SLC38A6: variants seen among roughly 807,000 people sequenced by gnomAD.
The protein encoded by SLC38A6 is solute carrier family 38 member 6.
A neutral mutation model predicts 65.0 loss-of-function variants in SLC38A6; 73 were observed. That is an observed-to-expected ratio of 1.12 (90% confidence interval 0.93 to 1.37). The LOEUF (loss-of-function observed/expected upper bound fraction) is 1.37. SLC38A6 is among the 40% of genes most tolerant of loss of function. The pLI, the probability that SLC38A6 is intolerant of heterozygous loss-of-function variation, is 0.00. For synonymous variants in SLC38A6, 183 were observed against 178.8 expected, an observed-to-expected ratio of 1.02 and a Z score of -0.19; for missense variants, 561 against 531.1, an observed-to-expected ratio of 1.06 and a Z score of -0.55.
At chr14:61,033,214 T>C (rs954823706) in intron 6 of SLC38A6, among the ~76,000 whole-genome samples, 4 of 151,972 alleles carry the variant, frequency 2.6e-5, no homozygotes, top group African/African-American at 7.2e-5. Flanking sequence ...TCAGAACATA[T>C]GATACTCTTG....
chr14:61,006,585 C>T (rs1215574228), intron 3 of SLC38A6, among the ~76,000 whole-genome samples: 2 of 152,226 alleles, frequency 1.3e-5, no homozygotes, highest in African/African-American at 4.8e-5. Flanking sequence ...TGCTCACCAT[C>T]ACTGGCCATC....
At chr14:61,007,065 T>C (rs1007474124) in intron 3 of SLC38A6, among the ~76,000 whole-genome samples, 2 of 151,766 alleles carry the variant, frequency 1.3e-5, no homozygotes, top group African/African-American at 2.4e-5. Flanking sequence ...CAGCAAACTA[T>C]CCCAAGGACA....
intron 15 of SLC38A6, among the ~76,000 whole-genome samples, chr14:61,063,204 A>C (rs1339318659): frequency 6.6e-6 from 1 of 152,168 alleles, no homozygotes; most frequent in Non-Finnish European, 1.5e-5. Flanking sequence ...AGTCACTAAT[A>C]ACAAAACTGA....
At chr14:61,008,500 A>G (rs1160514808) in intron 3 of SLC38A6, among the ~76,000 whole-genome samples, 1 of 152,202 alleles carries the variant, frequency 6.6e-6, no homozygotes, top group East Asian at 1.9e-4. Flanking sequence ...CCATATCTTT[A>G]ACTCAATAAA....
chr14:61,013,857 A>C (rs908396714), intron 3 of SLC38A6, among the ~76,000 whole-genome samples: 4 of 151,972 alleles, frequency 2.6e-5, no homozygotes, highest in Non-Finnish European at 5.9e-5. Flanking sequence ...TGACAATTAT[A>C]TGTTTTGGAG....
At chr14:60,991,202 A>C (rs1008097458) in intron 3 of SLC38A6, among the ~76,000 whole-genome samples, 1 of 152,184 alleles carries the variant, frequency 6.6e-6, no homozygotes, top group African/African-American at 2.4e-5. Flanking sequence ...AGTTCAATCA[A>C]AGTAAAAGCA....
At chr14:61,014,873 C>T (rs113518996) in intron 3 of SLC38A6, among the ~76,000 whole-genome samples, 8 of 152,316 alleles carry the variant, frequency 5.3e-5, no homozygotes, top group African/African-American at 1.7e-4. Flanking sequence ...CTCAGATCTC[C>T]AGCTGCGTGC....
chr14:61,080,964 T>G (rs1349627201), intron 16 of SLC38A6, among the ~76,000 whole-genome samples: 1 of 152,220 alleles, frequency 6.6e-6, no homozygotes, highest in Non-Finnish European at 1.5e-5. Flanking sequence ...TTGTTGAGTC[T>G]TTACAACACT....
At chr14:61,007,678 A>G (rs1047272139) in intron 3 of SLC38A6, among the ~76,000 whole-genome samples, 1 of 84,940 alleles carries the variant, frequency 1.2e-5, no homozygotes, top group African/African-American at 4.2e-5. Context: ...TTGTAATATG[A>G]AACGGATGCT....
At chr14:61,009,945 A>G (rs1288852726) in intron 3 of SLC38A6, among the ~76,000 whole-genome samples, 1 of 152,330 alleles carries the variant, frequency 6.6e-6, no homozygotes, top group East Asian at 1.9e-4. Context: ...TAGATCCCTG[A>G]GGAATCACCA....
chr14:61,010,815 G>A (rs1054407037), intron 3 of SLC38A6, among the ~76,000 whole-genome samples: 13 of 152,166 alleles, frequency 8.5e-5, no homozygotes, highest in African/African-American at 1.9e-4. Flanking sequence ...GTCAGGTAGC[G>A]TGATGCCTCC....
At chr14:61,003,468 T>C (rs1200190990) in intron 3 of SLC38A6, among the ~76,000 whole-genome samples, 2 of 152,160 alleles carry the variant, frequency 1.3e-5, no homozygotes, top group African/African-American at 2.4e-5. Context: ...ATATAATGAT[T>C]TCTCTTGATT....
intron 10 of SLC38A6, 102 bp downstream of exon 10, chr14:61,043,605 T>C (rs1026263130): frequency 1.4e-6 from 1 of 732,344 alleles, no homozygotes; most frequent in African/African-American, 1.8e-5. Flanking sequence ...CTGTGACTAA[T>C]TAATTTTCAT....
rs1237709613 is a variant in SLC38A6 at position 61,050,634 on chromosome 14, CCTGTAAGTA to C, written c.1050+1_1050+9del. The C allele has an allele frequency of 3.2e-6, 5 of 1,548,708 alleles. No individual in the cohort carries two copies. The African/African-American group carries it at 4.1e-5, about 13-fold the overall frequency. ...TTTGACAGTCCCTCTAATCCACTTCCCTGTAAGTACTCTTAAAGGGTTTTGTTGCCTAGT... is the reference window on the plus strand; with the variant it reads ...TTTGACAGTCCCTCTAATCCACTTCCCTCTTAAAGGGTTTTGTTGCCTAGT... On this transcript the variant is annotated splice_donor_variant and splice_donor_5th_base_variant and coding_sequence_variant and intron_variant, in exon 13 of 16. Transcript: ENST00000267488. LOFTEE classifies it high-confidence loss of function.
chr14:61,030,356 T>C (rs1045263019), intron 5 of SLC38A6, 89 bp from the exon 6 acceptor site: 1 of 917,350 alleles, frequency 1.1e-6, no homozygotes. Flanking sequence ...GTCATAGCTC[T>C]AATGGACATC....
In SLC38A6 at chr14:60,982,600, A is replaced by G; in HGVS notation, c.198A>G (p.Leu66=). 6.2e-7 allele frequency: 1 copy of G among 1,613,988 alleles called. No individual in the cohort carries two copies. The highest frequency in any genetic ancestry group is 8.5e-7 in the Non-Finnish European group (1 of 1,180,012). The change falls in exon 2 of 16, where the codon TTA becomes TTG. Residue 66 remains leucine (L), a synonymous_variant. Coordinates refer to ENST00000267488, the MANE Select transcript of SLC38A6 (RefSeq NM_153811.3). Reference sequence around the variant, plus strand: ...TCATGGGAAGTGGCATCCTTGGCTTAGCTTATGTTTTGGCTAATACCGGTG... The same window carrying G: ...TCATGGGAAGTGGCATCCTTGGCTTGGCTTATGTTTTGGCTAATACCGGTG... ...NAIMGSGILG[L]AYVLANTGVF... is the part of the protein sequence containing the mutation.
intron 12 of SLC38A6, among the ~76,000 whole-genome samples, chr14:61,047,804 T>C (rs1253189188): frequency 6.6e-6 from 1 of 152,082 alleles, no homozygotes; most frequent in Non-Finnish European, 1.5e-5. Flanking sequence ...TCTGATTTAA[T>C]CTCTTCTCCA....
chr14:60,982,555 GTTTAA>G lies in SLC38A6; in HGVS notation c.157_161del (p.Asn53AspfsTer18). On this transcript the variant is annotated frameshift_variant, in exon 2 of 16. Transcript: ENST00000267488. LOFTEE classifies it high-confidence loss of function. ...CAGGTGTTTCATTTGGTTTATCAGT[GTTTAA>G]TTTGATGAATGCCATCATGGGAAGT... 6.2e-7 allele frequency: 1 copy of G among 1,613,952 alleles called. No homozygotes were observed. Among genetic ancestry groups the G allele is most frequent in the Non-Finnish European group, 8.5e-7 (1 of 1,179,984 alleles).
rs77380565 is a variant in SLC38A6, at chr14:61,043,752, G to A, written c.744+249G>A. On this transcript the variant is annotated intron_variant, in intron 10 of 15. Coordinates refer to ENST00000267488, the MANE Select transcript of SLC38A6 (RefSeq NM_153811.3). ...CTTTGAATGGAGCCTGTTTTAAATG[G>A]GCCTCTGCCTGAAAGAACAGATTTA... Among the ~76,000 whole-genome samples, 252 of 148,518 alleles carry A rather than the reference G, an allele frequency of 1.7e-3. 2 individuals carry two copies. Among genetic ancestry groups the A allele is most frequent in the African/African-American group, 5.2e-3 (210 of 40,202 alleles).
Sources: allele counts gnomAD v4.1 joint callset (sites outside exome capture counted in the v4.1 genomes callset), GRCh38; gene constraint gnomAD v4.1.1; transcripts MANE v1.5; gene names NCBI Gene and HGNC (gene_info 2026-07-23, HGNC 2026-07-21).